The following POU2F1 variants were observed in gnomAD, a reference collection of about 807,000 sequenced individuals.
POU2F1 encodes POU domain, class 2, transcription factor 1.
In POU2F1, 16 loss-of-function variants were observed where a neutral mutation model predicts 84.9. The ratio of observed to expected loss-of-function variants is 0.19; its 90% CI spans 0.13 to 0.29. POU2F1 has a LOEUF of 0.29. POU2F1 is among the 10% of genes least tolerant of loss of function. The pLI, the probability that POU2F1 is intolerant of heterozygous loss-of-function variation, is 1.00. For missense variants in POU2F1, 738 were observed against 942.6 expected (o/e 0.78, Z 2.84); for synonymous variants, 368 against 368.3 (o/e 1.00, Z 0.01).
chr1:167,378,475 C>G (rs1171621895), intron 7 of POU2F1, among the ~76,000 whole-genome samples: 1 of 145,332 alleles, frequency 6.9e-6, no homozygotes, highest in Non-Finnish European at 1.5e-5. Context: ...AGCACAATTT[C>G]AGCTCACTGC....
In POU2F1 at chr1:167,370,166, A is replaced by G. The variant is rs769338452; in HGVS notation, c.234A>G (p.Gln78=). ...QAFLGHLHQV[Q]LAGTSLQAAA... is the part of the protein sequence containing the mutation. ...CTTCCCCTGATTACTTATAGGTCCA[A>G]CTCGCTGGAACAAGTTTACAGGCTG... is the stretch of plus-strand genomic sequence containing the variant. The change falls in exon 4 of 16, where the codon CAA becomes CAG. Residue 78 remains glutamine, a synonymous_variant. Coordinates refer to ENST00000367866, the MANE Select transcript of POU2F1 (RefSeq NM_002697.4). 29 of 1,606,512 alleles carry G rather than the reference A, an allele frequency of 1.8e-5. No homozygotes were observed. The highest frequency in any genetic ancestry group is 2.4e-5 in the Non-Finnish European group (28 of 1,174,822).
intron 2 of POU2F1, among the ~76,000 whole-genome samples, chr1:167,364,236 C>A (rs1472940234): frequency 6.6e-6 from 1 of 152,150 alleles, no homozygotes; most frequent in Non-Finnish European, 1.5e-5. Context: ...CAGATCACAG[C>A]AGAAGTGGTT....
chr1:167,322,228 C>G (rs193234379), intron 1 of POU2F1, among the ~76,000 whole-genome samples: 1 of 152,134 alleles, frequency 6.6e-6, no homozygotes. Context: ...TCCTCCTGTT[C>G]GTGTAGTTTC....
chr1:167,336,586 G>A (rs1657462790), intron 2 of POU2F1, among the ~76,000 whole-genome samples: 1 of 152,080 alleles, frequency 6.6e-6, no homozygotes, highest in Non-Finnish European at 1.5e-5. Context: ...GAGGTCTGCA[G>A]TTATAGTTGC....
chr1:167,383,920 A>G lies in POU2F1; in HGVS notation c.782A>G (p.Gln261Arg). The change falls in exon 8 of 16, where the codon CAG (glutamine) becomes CGG (arginine). Residue 261 changes from glutamine (Q) to arginine (R), a missense_variant. Around this residue, in one of 4 missense-constraint regions of POU2F1, gnomAD observed 163 missense variants for 214.4 expected, o/e 0.76. Transcript: ENST00000367866. ...LPQQSQANLL[Q>R]SQPSITLTSQ... ...CAGCAAAGCCAAGCCAACCTCCTACAGTCGCAGCCAAGCATCACCCTCACC... is the reference window on the plus strand; with the variant it reads ...CAGCAAAGCCAAGCCAACCTCCTACGGTCGCAGCCAAGCATCACCCTCACC... 6.2e-7 allele frequency: 1 copy of G among 1,613,784 alleles called. No homozygotes were observed. Among genetic ancestry groups the G allele is most frequent in the Non-Finnish European group, 8.5e-7 (1 of 1,179,812 alleles).
chr1:167,281,495 C>G (rs1653133823), intron 1 of POU2F1, among the ~76,000 whole-genome samples: 2 of 152,198 alleles, frequency 1.3e-5, no homozygotes, highest in Admixed American at 6.5e-5. Context: ...TCAGAGACTC[C>G]AGTGCAGCCA....
At chr1:167,247,765 T>G (rs941472229) in intron 1 of POU2F1, among the ~76,000 whole-genome samples, 8 of 152,228 alleles carry the variant, frequency 5.3e-5, no homozygotes, top group African/African-American at 1.9e-4. Flanking sequence ...CTTTTCTACG[T>G]GTTTTACATA....
intron 1 of POU2F1, among the ~76,000 whole-genome samples, chr1:167,298,912 C>T (rs1654464416): frequency 6.6e-6 from 1 of 152,002 alleles, no homozygotes; most frequent in Non-Finnish European, 1.5e-5. Flanking sequence ...GCCTGTAATC[C>T]CAGCACTTTG....
At chr1:167,347,288 A>G (rs1260172621) in intron 2 of POU2F1, among the ~76,000 whole-genome samples, 3 of 152,224 alleles carry the variant, frequency 2.0e-5, no homozygotes, top group Non-Finnish European at 4.4e-5. Context: ...TACTATCTCA[A>G]ATATAACTGC....
intron 1 of POU2F1, among the ~76,000 whole-genome samples, chr1:167,265,453 T>G (rs917355958): frequency 1.1e-4 from 16 of 152,236 alleles, no homozygotes; most frequent in Non-Finnish European, 1.2e-4. Context: ...GAGTCATTGA[T>G]TTAGCCTGTG....
chr1:167,230,900 T>G (rs1649018139), intron 1 of POU2F1, among the ~76,000 whole-genome samples: 1 of 152,206 alleles, frequency 6.6e-6, no homozygotes, highest in African/African-American at 2.4e-5. Flanking sequence ...TGGAACTTTT[T>G]CAACATAAGA....
chr1:167,233,138 A>ATT (rs1203798759), intron 1 of POU2F1, among the ~76,000 whole-genome samples: 4 of 140,626 alleles, frequency 2.8e-5, no homozygotes, highest in South Asian at 2.2e-4. Context: ...TTATTTTTTA[A>ATT]TTTTTTTTTT....
intron 1 of POU2F1, chr1:167,241,337 TGCCGGG>T (rs1649886814): frequency 6.6e-6 from 1 of 152,158 alleles, no homozygotes; most frequent in Non-Finnish European, 1.5e-5. Context: ...TGTTTTTTAG[TGCCGGG>T]TGAAATAACT....
intron 12 of POU2F1, among the ~76,000 whole-genome samples, chr1:167,399,696 C>G (rs1557959434): frequency 6.6e-6 from 1 of 152,014 alleles, no homozygotes; most frequent in Non-Finnish European, 1.5e-5. Flanking sequence ...TTTTTTGAGA[C>G]AGAGTCTCAT....
At chr1:167,380,878 C>T (rs990144371) in intron 7 of POU2F1, 1 of 152,114 alleles carries the variant, frequency 6.6e-6, no homozygotes, top group African/African-American at 2.4e-5. Context: ...AAGCCTTTTC[C>T]TCAGAATTAT....
chr1:167,260,536 G>A (rs1257823808), intron 1 of POU2F1, among the ~76,000 whole-genome samples: 2 of 152,056 alleles, frequency 1.3e-5, no homozygotes, highest in Non-Finnish European at 2.9e-5. Flanking sequence ...TTTTGTGTAT[G>A]GTATGAGATG....
chr1:167,274,832 A>G (rs1652610507), intron 1 of POU2F1, among the ~76,000 whole-genome samples: 1 of 152,108 alleles, frequency 6.6e-6, no homozygotes, highest in Non-Finnish European at 1.5e-5. Context: ...GTTGCCTTTC[A>G]TTAATGACAG....
At chr1:167,356,974 C>T (rs766029531) in intron 2 of POU2F1, among the ~76,000 whole-genome samples, 12 of 152,248 alleles carry the variant, frequency 7.9e-5, no homozygotes, top group Admixed American at 2.6e-4. Context: ...GGTCATATTC[C>T]GCCATTTTGT....
At chr1:167,281,521 T>C (rs1474919508) in intron 1 of POU2F1, among the ~76,000 whole-genome samples, 1 of 152,158 alleles carries the variant, frequency 6.6e-6, no homozygotes, top group Non-Finnish European at 1.5e-5. Context: ...TGGAAGAAGA[T>C]TTATGGACAA....
Sources: allele counts gnomAD v4.1 joint callset (sites outside exome capture counted in the v4.1 genomes callset), GRCh38; gene constraint gnomAD v4.1.1; regional missense constraint gnomAD v4.1.1; transcripts MANE v1.5; gene names NCBI Gene and HGNC (gene_info 2026-07-23, HGNC 2026-07-21).